The following GBA2 variants were observed in gnomAD, a reference collection of about 807,000 sequenced individuals.
GBA2 encodes the protein glucosylceramidase beta 2.
GBA2 carries 79 observed loss-of-function variants against 112.9 expected under a neutral mutation model. That is an observed-to-expected ratio of 0.70 (90% confidence interval 0.58 to 0.84). The LOEUF is 0.84. Among genes scored for constraint, GBA2 ranks in the 40% least tolerant of loss-of-function variants. The pLI, the probability that GBA2 is intolerant of heterozygous loss-of-function variation, is 0.00. For synonymous variants in GBA2, 403 were observed against 434.3 expected, an observed-to-expected ratio of 0.93 and a Z score of 0.90; for missense variants, 1,043 against 1,190.0, an observed-to-expected ratio of 0.88 and a Z score of 1.82.
At position 35,737,899 on chromosome 9, in the gene GBA2, A is replaced by G. The variant is rs757588425; in HGVS notation, c.2354T>C (p.Ile785Thr). The change falls in exon 16 of 17, where the codon ATC (isoleucine) becomes ACC (threonine). Residue 785 changes from isoleucine to threonine, a missense_variant. Physicochemically the swap from Ile to Thr is moderately conservative, Grantham distance 89. Transcript: ENST00000378103. This position sits in a 1 kb window ranked among gnomAD's most constrained non-coding sequence, Gnocchi z 4.1. The part of the protein sequence containing the change: ...TQHVVRALQT[I>T]FELNVQAFAG... ...AAAGGCCTGGACGTTCAGCTCAAAG[A>G]TAGTTTGGAGAGCACGGACCACATG... is the stretch of plus-strand genomic sequence containing the variant. 5.6e-6 allele frequency: 9 copies of G among 1,613,162 alleles called. No homozygotes were observed. Among genetic ancestry groups the G allele is most frequent in the South Asian group, 2.2e-5 (2 of 91,072 alleles).
rs1280837459 is a variant in GBA2 at position 35,741,892 on chromosome 9, T to C, written c.568-2A>G. ...TTCCCGACGCAGGCACACTGTGAAC[T>C]TAAGAGGGCAGATAGGCTGGAACGG... is the stretch of plus-strand genomic sequence containing the variant. On this transcript the variant is annotated splice_acceptor_variant, in intron 3 of 16. Coordinates refer to ENST00000378103, the MANE Select transcript of GBA2 (RefSeq NM_020944.3). LOFTEE classifies it high-confidence loss of function. This position sits in a 1 kb window ranked among gnomAD's most constrained non-coding sequence, Gnocchi z 4.6. 6.2e-7 allele frequency: 1 copy of C among 1,609,914 alleles called. No individual in the cohort carries two copies. Among genetic ancestry groups the C allele is most frequent in the Non-Finnish European group, 8.5e-7 (1 of 1,176,284 alleles).
chr9:35,737,735 A>AG lies in GBA2; in HGVS notation c.2505+12dup, dbSNP rs747824980. The AG allele has an allele frequency of 3.8e-5, 62 of 1,612,878 alleles. No individual in the cohort carries two copies. The highest frequency in any genetic ancestry group is 5.3e-5 in the Non-Finnish European group (62 of 1,178,934). On this transcript the variant is annotated intron_variant, in intron 16 of 16. Transcript: ENST00000378103. The surrounding 1 kb of genome is among the most constrained non-coding windows in gnomAD (Gnocchi z 4.1). ...ATACAGATGGTGGAGAGATGGGAAA[A>AG]GGAGTGCATTACCTCTTGGATCATG...
chr9:35,743,280 T>G (rs1588020782), intron 3 of GBA2: 1 of 153,818 alleles, frequency 6.5e-6, no homozygotes. Flanking sequence ...ACCAACCTTG[T>G]GACCTTGCGC....
chr9:35,741,307 T>TC lies in GBA2; in HGVS notation c.787-244dup, dbSNP rs1384434705. On this transcript the variant is annotated intron_variant, in intron 4 of 16. Transcript: ENST00000378103. The surrounding 1 kb of genome is among the most constrained non-coding windows in gnomAD (Gnocchi z 4.6). ...GATGTTCATGGCTCCAACCTCCCTT[T>TC]CACAGGCCATGCAGTTTCTTTTTTT... The TC allele has an allele frequency of 6.9e-5, 39 of 561,316 alleles. No individual in the cohort carries two copies. The highest frequency in any genetic ancestry group is 6.3e-4 in the South Asian group (27 of 42,694). The allele number at this position is 561,316 out of a possible 1,614,324, so 34.8% of individuals were successfully genotyped here. A position where few individuals can be genotyped will look rare whatever the true frequency, so the allele number is the denominator to read the frequency against.
Position 35,740,790 on chromosome 9 carries a change from C to T in GBA2, c.1026+35G>A. The T allele has an allele frequency of 6.2e-7, 1 of 1,610,236 alleles. No homozygotes were observed. Among genetic ancestry groups the T allele is most frequent in the South Asian group, 1.1e-5 (1 of 90,834 alleles). On this transcript the variant is annotated intron_variant, in intron 5 of 16. Coordinates refer to ENST00000378103, the MANE Select transcript of GBA2 (RefSeq NM_020944.3). The surrounding 1 kb of genome is among the most constrained non-coding windows in gnomAD (Gnocchi z 4.7). Reference sequence around the variant, plus strand: ...ACCATGCTGGGGTGGAGGTGGGGTTCAGGGGCTAAGGTATAGGGCAGGCTC... The same window carrying T: ...ACCATGCTGGGGTGGAGGTGGGGTTTAGGGGCTAAGGTATAGGGCAGGCTC...
In GBA2 at chr9:35,748,910, C is replaced by T; in HGVS notation, c.-206G>A. ...AAAGAAGCCGCCTTGGGCTCTCCTT[C>T]GGTTGTCTCTGTAGGTCCTGGACGG... On this transcript the variant is annotated 5_prime_UTR_variant, in exon 1 of 17. Coordinates refer to ENST00000378103, the MANE Select transcript of GBA2 (RefSeq NM_020944.3). 1 of 487,134 alleles carries T rather than the reference C, an allele frequency of 2.1e-6. No individual in the cohort carries two copies. The highest frequency in any genetic ancestry group is 2.0e-5 in the African/African-American group (1 of 50,968). 30.2% of individuals were successfully genotyped at this position (487,134 alleles called of 1,614,324 possible).
chr9:35,738,430 C>G, intron 13 of GBA2, 56 bp from the exon 14 acceptor site: 1 of 1,598,570 alleles, frequency 6.3e-7, no homozygotes, highest in Non-Finnish European at 8.6e-7. Context: ...GCTCCCATGC[C>G]GTGTAATAGA....
Position 35,738,163 on chromosome 9 carries a change from G to A in GBA2, c.2198-11C>T, listed in dbSNP as rs768416382. 30 of 1,613,246 alleles carry A rather than the reference G, an allele frequency of 1.9e-5. No individual in the cohort carries two copies. The highest frequency in any genetic ancestry group is 2.5e-5 in the Non-Finnish European group (29 of 1,179,290). On this transcript the variant is annotated splice_polypyrimidine_tract_variant and intron_variant, in intron 14 of 16. Coordinates refer to ENST00000378103, the MANE Select transcript of GBA2 (RefSeq NM_020944.3). ...AGTTGTAATAGCGGCCTGGAGTCGA[G>A]GAAGAGAAAAATAAGGCTCCTGGTG... is the stretch of plus-strand genomic sequence containing the variant.
In GBA2 at chr9:35,740,572, C is replaced by G. The variant is rs777643568; in HGVS notation, c.1083G>C (p.Gln361His). ...TAFDPDSTGQ[Q>H]VWQDLLQDGQ... is the part of the protein sequence containing the mutation. ...CATCCTGAAGTAGATCCTGCCACAC[C>G]TGCTGCCCCGTGCTGTCAGGGTCAA... The change falls in exon 6 of 17, where the codon CAG (glutamine) becomes CAC (histidine). Residue 361 changes from glutamine to histidine, a missense_variant. Physicochemically the swap from Gln to His is conservative, Grantham distance 24. Transcript: ENST00000378103. The surrounding 1 kb of genome is among the most constrained non-coding windows in gnomAD (Gnocchi z 4.7). 189 of 1,613,978 alleles carry G rather than the reference C, an allele frequency of 1.2e-4. No homozygotes were observed. The highest frequency in any genetic ancestry group is 1.6e-4 in the Non-Finnish European group (183 of 1,179,966).
Position 35,739,612 on chromosome 9 carries a change from C to G in GBA2, c.1582+16G>C. On this transcript the variant is annotated intron_variant, in intron 9 of 16. Transcript: ENST00000378103. ...GGGGATGGCCTGCCATATCCCAGCC[C>G]ACCAGCATCCTGTACCCTCAAGGTA... 1 of 1,611,076 alleles carries G rather than the reference C, an allele frequency of 6.2e-7. No individual in the cohort carries two copies. The highest frequency in any genetic ancestry group is 1.1e-5 in the South Asian group (1 of 90,902).
rs758527257 is a variant in GBA2 at position 35,738,842 on chromosome 9, G to T, written c.1857C>A (p.Asp619Glu). The change falls in exon 12 of 17, where the codon GAC (aspartate) becomes GAA (glutamate). Residue 619 changes from aspartate to glutamate, a missense_variant. By Grantham distance (45) the Asp-to-Glu change is conservative. Coordinates refer to ENST00000378103, the MANE Select transcript of GBA2 (RefSeq NM_020944.3). ...CCTGCAGCACAAACTTCAGGTTCAG[G>T]TCCTTCCAATCAGCAGTATCATGGA... ...YLIHDTADWK[D>E]LNLKFVLQVY... 6.2e-7 allele frequency: 1 copy of T among 1,613,882 alleles called. No individual in the cohort carries two copies. Among genetic ancestry groups the T allele is most frequent in the Non-Finnish European group, 8.5e-7 (1 of 1,179,744 alleles).
intron 1 of GBA2, among the ~76,000 whole-genome samples, chr9:35,747,882 T>C (rs900300886): frequency 3.3e-5 from 5 of 152,224 alleles, no homozygotes; most frequent in African/African-American, 9.7e-5. Flanking sequence ...AGCAGTAGTG[T>C]TGGGACTCTA....
chr9:35,742,477 T>C (rs1009470920), intron 3 of GBA2, among the ~76,000 whole-genome samples: 2 of 152,230 alleles, frequency 1.3e-5, no homozygotes, highest in African/African-American at 4.8e-5. Context: ...CTTCCTCCTC[T>C]ACTTCTTCCA....
chr9:35,743,658 G>A (rs1377749670), intron 3 of GBA2, among the ~76,000 whole-genome samples: 1 of 152,200 alleles, frequency 6.6e-6, no homozygotes, highest in Non-Finnish European at 1.5e-5. Context: ...TAAAGGGGCG[G>A]TCAACTAGAG....
Position 35,740,629 on chromosome 9 carries a change from C to T in GBA2, c.1027-1G>A, listed in dbSNP as rs979102320. On this transcript the variant is annotated splice_acceptor_variant, in intron 5 of 16. Transcript: ENST00000378103. LOFTEE classifies it high-confidence loss of function. The surrounding 1 kb of genome is among the most constrained non-coding windows in gnomAD (Gnocchi z 4.7). Reference sequence around the variant, plus strand: ...TGATGTGGGTTACCGTGGTAGCTGCCTGTGAAGGGGTCAGGGACTGTGAGG... The same window carrying T: ...TGATGTGGGTTACCGTGGTAGCTGCTTGTGAAGGGGTCAGGGACTGTGAGG... The T allele has an allele frequency of 3.7e-6, 6 of 1,610,418 alleles. No homozygotes were observed. Among genetic ancestry groups the T allele is most frequent in the Non-Finnish European group, 5.1e-6 (6 of 1,176,740 alleles).
Position 35,738,073 on chromosome 9 carries a change from G to A in GBA2, c.2277C>T (p.Phe759=), listed in dbSNP as rs2062176481. Residue 759 remains phenylalanine, a synonymous_variant, in exon 15 of 17, where the codon TTC becomes TTT. Transcript: ENST00000378103. ...VMSDQCAGQW[F]LKACGLGEGD... ...CTTCTCCTAGGCCACAGGCCTTCAG[G>A]AACCACTGTCCAGCACACTGGTCAG... is the stretch of plus-strand genomic sequence containing the variant. 5.6e-6 allele frequency: 9 copies of A among 1,613,200 alleles called. No individual in the cohort carries two copies. The highest frequency in any genetic ancestry group is 6.8e-6 in the Non-Finnish European group (8 of 1,179,366).
In GBA2 at chr9:35,736,979, G is replaced by C; in HGVS notation, c.*190C>G. ...CGCAGTCAGGGAACAGGTGAGGAAAGAAATAAATAAGTGATTCTAATGCTG... is the reference window on the plus strand; with the variant it reads ...CGCAGTCAGGGAACAGGTGAGGAAACAAATAAATAAGTGATTCTAATGCTG... On this transcript the variant is annotated 3_prime_UTR_variant, in exon 17 of 17. Transcript: ENST00000378103. 1 of 925,382 alleles carries C rather than the reference G, an allele frequency of 1.1e-6. No individual in the cohort carries two copies. The highest frequency in any genetic ancestry group is 1.7e-5 in the South Asian group (1 of 57,232). The allele number at this position is 925,382 out of a possible 1,614,324, so 57.3% of individuals were successfully genotyped here.
At position 35,749,199 on chromosome 9, in the gene GBA2, C is replaced by T. The variant is rs754054692; in HGVS notation, c.-495G>A. On this transcript the variant is annotated 5_prime_UTR_variant, in exon 1 of 17. Transcript: ENST00000378103. The surrounding 1 kb of genome is among the most constrained non-coding windows in gnomAD (Gnocchi z 4.4). ...CAGCCCGTGGGAAGGTGACCCTGGG[C>T]GCCGGGATGACCCGAGCCCTTTCCG... is the stretch of plus-strand genomic sequence containing the variant. 2 of 380,344 alleles carry T rather than the reference C, an allele frequency of 5.3e-6. No homozygotes were observed. Among genetic ancestry groups the T allele is most frequent in the East Asian group, 1.9e-4 (2 of 10,724 alleles). The allele number at this position is 380,344 out of a possible 1,614,324, so 23.6% of individuals were successfully genotyped here.
Position 35,739,774 on chromosome 9 carries a change from G to A in GBA2, c.1436C>T (p.Ala479Val), listed in dbSNP as rs373844114. The A allele has an allele frequency of 7.0e-5, 113 of 1,613,914 alleles. No homozygotes were observed. The highest frequency in any genetic ancestry group is 8.9e-5 in the Non-Finnish European group (105 of 1,179,882). The change falls in exon 9 of 17, where the codon GCG becomes GTG. Residue 479 changes from alanine to valine, a missense_variant. Physicochemically the swap from Ala to Val is moderately conservative, Grantham distance 64 (BLOSUM62 0). Coordinates refer to ENST00000378103, the MANE Select transcript of GBA2 (RefSeq NM_020944.3). Reference protein sequence around the residue: ...DRSLPAWYKSALFNELYFLAD... With the variant: ...DRSLPAWYKSVLFNELYFLAD... ...CAGGAAGTATAGTTCATTGAACAGCGCAGATTTGTACCAGGCAGGCAGTGA... is the reference window on the plus strand; with the variant it reads ...CAGGAAGTATAGTTCATTGAACAGCACAGATTTGTACCAGGCAGGCAGTGA...
Sources: allele counts gnomAD v4.1 joint callset (sites outside exome capture counted in the v4.1 genomes callset), GRCh38; gene constraint gnomAD v4.1.1; non-coding constraint Gnocchi (gnomAD v3.1); transcripts MANE v1.5; gene names NCBI Gene and HGNC (gene_info 2026-07-23, HGNC 2026-07-21).